Variants in STK33 observed in about 807,000 individuals in gnomAD.
The protein encoded by STK33 is serine/threonine kinase 33.
In STK33, 52 loss-of-function variants were observed where a neutral mutation model predicts 58.0. That is an observed-to-expected ratio of 0.90 (90% CI 0.72 to 1.13). The LOEUF (loss-of-function observed/expected upper bound fraction) is 1.13, where lower values mean the gene tolerates loss of function less well. STK33 is among the 50% of genes most tolerant of loss of function. The probability of loss-of-function intolerance (pLI) is 0.00; values close to 1 mark genes in which losing one functional copy is unlikely to be tolerated. For missense variants in STK33, 630 were observed against 604.2 expected, an observed-to-expected ratio of 1.04 and a Z score of -0.45; for synonymous variants, 215 against 200.1, an observed-to-expected ratio of 1.07 and a Z score of -0.63.
At chr11:8,472,630 G>A (rs984665604) in intron 6 of STK33, among the ~76,000 whole-genome samples, 2 of 152,116 alleles carry the variant, frequency 1.3e-5, no homozygotes, top group African/African-American at 2.4e-5. Flanking sequence ...TGTTGTGGTT[G>A]TTCTTATTGC....
intron 1 of STK33, among the ~76,000 whole-genome samples, chr11:8,530,161 T>G (rs915955132): frequency 5.3e-5 from 8 of 151,948 alleles, no homozygotes; most frequent in African/African-American, 1.9e-4. Context: ...GAATGTGTAG[T>G]ATCAGTGCAA....
rs1333042168 is a variant in STK33, at chr11:8,436,101, T to C, written c.986A>G (p.Glu329Gly). ...TTTTCTTATTAACTCAAAAAGCTTC[T>C]CTTCTGAGCTTGCCAAAAAGGGTGG... ...GEPPFLASSE[E>G]KLFELIRKGE... The change falls in exon 13 of 16, where the codon GAG (glutamate) becomes GGG (glycine). Residue 329 changes from glutamate to glycine, a missense_variant. Physicochemically the swap from Glu to Gly is moderately conservative, Grantham distance 98. Transcript: ENST00000687296. 1 of 1,590,798 alleles carries C rather than the reference T, an allele frequency of 6.3e-7. No individual in the cohort carries two copies. Among genetic ancestry groups the C allele is most frequent in the African/African-American group, 1.3e-5 (1 of 74,354 alleles).
intron 1 of STK33, among the ~76,000 whole-genome samples, chr11:8,551,357 T>C (rs1956288462): frequency 6.6e-6 from 1 of 152,120 alleles, no homozygotes; most frequent in Non-Finnish European, 1.5e-5. Flanking sequence ...CTCAAACTCC[T>C]GACCTCAAGC....
rs1010076598 is a variant in STK33 at position 8,415,028 on chromosome 11, C to G, written c.1147-1336G>C. Reference sequence around the variant, plus strand: ...TGGTAGATAGTCTCAGAGCACTCATCTGAACGGGTTCTGCTCTCCAGGGCT... The same window carrying G: ...TGGTAGATAGTCTCAGAGCACTCATGTGAACGGGTTCTGCTCTCCAGGGCT... On this transcript the variant is annotated intron_variant, in intron 14 of 15. Coordinates refer to ENST00000687296, the MANE Select transcript of STK33 (RefSeq NM_001352389.2). Among the ~76,000 whole-genome samples the G allele has an allele frequency of 2.0e-5, 3 of 152,076 alleles. 1 individual carries two copies. The highest frequency in any genetic ancestry group is 4.1e-4 in the South Asian group (2 of 4,830).
chr11:8,415,109 G>A (rs1940927283), intron 14 of STK33, among the ~76,000 whole-genome samples: 1 of 151,958 alleles, frequency 6.6e-6, no homozygotes, highest in Non-Finnish European at 1.5e-5. Flanking sequence ...GCTTCATCCT[G>A]ACCTCTAACT....
At chr11:8,513,778 G>T (rs1418733616) in intron 1 of STK33, among the ~76,000 whole-genome samples, 6 of 151,844 alleles carry the variant, frequency 4.0e-5, no homozygotes, top group Non-Finnish European at 1.5e-5. Flanking sequence ...GATAAATGGG[G>T]TATCCATCAC....
At chr11:8,524,402 A>G (rs1357660795) in intron 1 of STK33, among the ~76,000 whole-genome samples, 1 of 152,212 alleles carries the variant, frequency 6.6e-6, no homozygotes, top group East Asian at 1.9e-4. Flanking sequence ...TAAATTATAT[A>G]AGGAACTCTA....
At chr11:8,516,370 T>C (rs7952429) in intron 1 of STK33, among the ~76,000 whole-genome samples, 25,904 of 152,044 alleles carry the variant, frequency 0.17, 2,666 homozygotes, top group South Asian at 0.31. Context: ...AGAATGAAAC[T>C]GGGGGCAGAT....
chr11:8,503,288 T>TA (rs766637745), intron 1 of STK33, among the ~76,000 whole-genome samples: 9 of 152,090 alleles, frequency 5.9e-5, no homozygotes, highest in South Asian at 2.1e-4. Flanking sequence ...TACACAGCCA[T>TA]AAAAAAGAAT....
chr11:8,485,546 A>G (rs752634535), intron 1 of STK33, among the ~76,000 whole-genome samples: 4 of 152,216 alleles, frequency 2.6e-5, no homozygotes, highest in Non-Finnish European at 5.9e-5. Flanking sequence ...TCCAGAGTAG[A>G]AACATCTTTG....
intron 1 of STK33, among the ~76,000 whole-genome samples, chr11:8,591,767 T>C (rs1017706261): frequency 5.3e-5 from 8 of 149,576 alleles, no homozygotes; most frequent in African/African-American, 9.9e-5. Context: ...TTCTCACTCA[T>C]AGGTGGGAAT....
Position 8,521,517 on chromosome 11 carries a change from A to C in STK33, c.-465-40903T>G, listed in dbSNP as rs1953433890. 2.6e-5 allele frequency among the ~76,000 whole-genome samples: 4 copies of C among 152,358 alleles called. No homozygotes were observed. The South Asian group carries it at 8.3e-4, about 32-fold the overall frequency. Reference sequence around the variant, plus strand: ...CTTAAATGTTAGACCTAAAACCATAAAAACCCTAGAAGAAAACCTAGCCAA... The same window carrying C: ...CTTAAATGTTAGACCTAAAACCATACAAACCCTAGAAGAAAACCTAGCCAA... On this transcript the variant is annotated intron_variant, in intron 1 of 15. Coordinates refer to ENST00000687296, the MANE Select transcript of STK33 (RefSeq NM_001352389.2).
chr11:8,512,370 A>G (rs182966021), intron 1 of STK33, among the ~76,000 whole-genome samples: 1 of 152,326 alleles, frequency 6.6e-6, no homozygotes, highest in African/African-American at 2.4e-5. Context: ...AAAAAATACA[A>G]TCTAACATAA....
At chr11:8,521,118 G>A (rs567576566) in intron 1 of STK33, among the ~76,000 whole-genome samples, 18 of 151,704 alleles carry the variant, frequency 1.2e-4, no homozygotes, top group African/African-American at 4.1e-4. Flanking sequence ...CACAGAATTG[G>A]AAAAAACTAC....
At position 8,474,925 on chromosome 11, in the gene STK33, A is replaced by T. The variant is rs1292120850; in HGVS notation, c.-20T>A. On this transcript the variant is annotated 5_prime_UTR_variant, in exon 5 of 16. Transcript: ENST00000687296. ...AGCCATTTGTTTAACTCTGCAACAAAAGCAACTTTAAAAATGTTTCCACTG... is the reference window on the plus strand; with the variant it reads ...AGCCATTTGTTTAACTCTGCAACAATAGCAACTTTAAAAATGTTTCCACTG... 1 of 1,547,574 alleles carries T rather than the reference A, an allele frequency of 6.5e-7. No individual in the cohort carries two copies. The highest frequency in any genetic ancestry group is 2.1e-5 in the Admixed American group (1 of 46,878).
chr11:8,536,223 T>C (rs1954988850), intron 1 of STK33, among the ~76,000 whole-genome samples: 1 of 152,192 alleles, frequency 6.6e-6, no homozygotes, highest in South Asian at 2.1e-4. Context: ...CAAAAATGTA[T>C]TGTACTCAGG....
chr11:8,441,980 T>C (rs1000384254), intron 11 of STK33, among the ~76,000 whole-genome samples: 4 of 151,614 alleles, frequency 2.6e-5, no homozygotes, highest in Non-Finnish European at 5.9e-5. Flanking sequence ...AAAAGGTGCG[T>C]TTTTATTTTA....
chr11:8,465,967 G>C (rs967203369), intron 6 of STK33: 7 of 152,290 alleles, frequency 4.6e-5, no homozygotes, highest in African/African-American at 7.2e-5. Context: ...GAGAGGGCTT[G>C]TACACAGAAA....
At chr11:8,413,086 T>C (rs1046991168) in intron 15 of STK33, among the ~76,000 whole-genome samples, 2 of 152,228 alleles carry the variant, frequency 1.3e-5, no homozygotes, top group African/African-American at 2.4e-5. Context: ...ATTTTGATTC[T>C]TGGGCCAAAT....
Sources: allele counts gnomAD v4.1 joint callset (sites outside exome capture counted in the v4.1 genomes callset), GRCh38; gene constraint gnomAD v4.1.1; transcripts MANE v1.5; gene names NCBI Gene and HGNC (gene_info 2026-07-23, HGNC 2026-07-21).